The following TXNDC5 variants were observed in gnomAD, a reference collection of about 807,000 sequenced individuals.
TXNDC5 encodes the protein thioredoxin domain containing 5.
TXNDC5 carries 44 observed loss-of-function variants against 52.6 expected under a neutral mutation model. That is an observed-to-expected ratio of 0.84 (90% CI 0.66 to 1.08). TXNDC5 has a LOEUF of 1.08. Ranked by LOEUF, TXNDC5 falls within the 50% of genes least tolerant of loss-of-function variation. The pLI is 0.00. For synonymous variants in TXNDC5, 241 were observed against 234.4 expected, an observed-to-expected ratio of 1.03 and a Z score of -0.26; for missense variants, 600 against 565.5, an observed-to-expected ratio of 1.06 and a Z score of -0.62.
At chr6:7,889,444 T>TG (rs1240201605) in intron 6 of TXNDC5, 51 bp downstream of exon 6, 1 of 1,542,088 alleles carries the variant, frequency 6.5e-7, no homozygotes, top group South Asian at 1.1e-5. Flanking sequence ...TAGCTCAGCC[T>TG]GATGGGGTTA....
intron 7 of TXNDC5, 49 bp downstream of exon 7, chr6:7,888,649 GGGGGGCC>G (rs1227950979): frequency 1.3e-6 from 2 of 1,555,064 alleles, no homozygotes; most frequent in Non-Finnish European, 1.7e-6. Context: ...GTGGGGAGGT[GGGGGGCC>G]GGGGGCCACG....
rs34795283 is a variant in TXNDC5, at chr6:7,881,919, C to CCTAT, written c.*1221_*1224dup. 14 of 152,344 alleles carry CCTAT rather than the reference C, an allele frequency of 9.2e-5. No individual in the cohort carries two copies. The highest frequency in any genetic ancestry group is 4.2e-4 in the South Asian group (2 of 4,800). The allele number at this position is 152,344 out of a possible 1,614,324, so 9.4% of individuals were successfully genotyped here. ...TAGCTCGATGGTAAAAGGACAAACACCTATCTATCTTAGAGCTTAAGCCTG... is the reference window on the plus strand; with the variant it reads ...TAGCTCGATGGTAAAAGGACAAACACCTATCTATCTATCTTAGAGCTTAAGCCTG... On this transcript the variant is annotated 3_prime_UTR_variant, in exon 10 of 10. Transcript: ENST00000379757.
intron 1 of TXNDC5, chr6:7,909,871 C>T: frequency 1.0e-6 from 1 of 986,036 alleles, no homozygotes; most frequent in Non-Finnish European, 1.2e-6. Context: ...CGCAGTCTGT[C>T]CCAGCCGACC....
rs1026012863 is a variant in TXNDC5, at chr6:7,889,490, C to A, written c.819+5G>T. 6.2e-7 allele frequency: 1 copy of A among 1,613,036 alleles called. No individual in the cohort carries two copies. Among genetic ancestry groups the A allele is most frequent in the Non-Finnish European group, 8.5e-7 (1 of 1,179,078 alleles). On this transcript the variant is annotated splice_donor_5th_base_variant and intron_variant, in intron 6 of 9. Transcript: ENST00000379757. ...AATTCTCAGTACTAAGAAGTGCAGA[C>A]GTACCTTTTTCCCATCTCGGAACCA...
At chr6:7,908,378 T>C (rs1009641777) in intron 1 of TXNDC5, among the ~76,000 whole-genome samples, 1 of 151,382 alleles carries the variant, frequency 6.6e-6, no homozygotes, top group Admixed American at 6.6e-5. Flanking sequence ...GGAAAAGGAA[T>C]TTACTTAATA....
At chr6:7,904,471 G>T in intron 2 of TXNDC5, 103 bp downstream of exon 2, 1 of 1,462,728 alleles carries the variant, frequency 6.8e-7, no homozygotes, top group Non-Finnish European at 9.3e-7. Flanking sequence ...GGGACTGCCT[G>T]CTTAAATTTA....
intron 5 of TXNDC5, among the ~76,000 whole-genome samples, chr6:7,891,105 A>G (rs1373449885): frequency 6.6e-6 from 1 of 152,208 alleles, no homozygotes; most frequent in South Asian, 2.1e-4. Context: ...GCTACACTGG[A>G]TATTTCCAGA....
chr6:7,896,945 C>CT (rs1020300536), intron 3 of TXNDC5, among the ~76,000 whole-genome samples: 13 of 151,574 alleles, frequency 8.6e-5, no homozygotes, highest in South Asian at 2.1e-4. Context: ...TAAAAATGAT[C>CT]TTTTTTTTTA....
chr6:7,894,309 AGG>A (rs1159542649), intron 4 of TXNDC5, among the ~76,000 whole-genome samples: 7 of 150,760 alleles, frequency 4.6e-5, no homozygotes, highest in African/African-American at 1.7e-4. Context: ...GGTCTTGCTT[AGG>A]CTGATCTCGA....
At chr6:7,893,408 G>C (rs1308292677) in intron 4 of TXNDC5, among the ~76,000 whole-genome samples, 2 of 152,286 alleles carry the variant, frequency 1.3e-5, no homozygotes, top group African/African-American at 4.8e-5. Context: ...TGCACTGTAA[G>C]GTGGAGACAG....
intron 4 of TXNDC5, 119 bp downstream of exon 4, chr6:7,894,987 C>T (rs1354062585): frequency 6.8e-7 from 1 of 1,463,766 alleles, no homozygotes; most frequent in African/African-American, 1.4e-5. Flanking sequence ...CTAGAGTGAC[C>T]CTTTGTCAGT....
chr6:7,909,611 A>G (rs1760845501), intron 1 of TXNDC5, among the ~76,000 whole-genome samples: 1 of 152,138 alleles, frequency 6.6e-6, no homozygotes, highest in South Asian at 2.1e-4. Flanking sequence ...GACCCGAGAG[A>G]GCAGCAGGGA....
rs1760896117 is a variant in TXNDC5, at chr6:7,910,771, G to A, written c.6C>T (p.Pro2=). The stretch of plus-strand genomic sequence containing the variant: ...GCGGGAGGAGGCGTCCTGGGCGCGC[G>A]GGCATCGCGGCGGGGCTGGGCGCGC... The part of the protein sequence containing the change: M[P]ARPGRLLPLL... The change falls in exon 1 of 10, where the codon CCC becomes CCT. Residue 2 remains proline, a synonymous_variant. Transcript: ENST00000379757. The A allele has an allele frequency of 3.0e-6, 3 of 992,308 alleles. No homozygotes were observed. The highest frequency in any genetic ancestry group is 1.8e-5 in the African/African-American group (1 of 56,772). 61.5% of individuals were successfully genotyped at this position (992,308 alleles called of 1,614,324 possible).
chr6:7,882,903 C>T lies in TXNDC5; in HGVS notation c.*241G>A, dbSNP rs981019478. The T allele has an allele frequency of 6.7e-6, 3 of 445,656 alleles. No individual in the cohort carries two copies. The highest frequency in any genetic ancestry group is 4.0e-5 in the South Asian group (1 of 24,778). 27.6% of individuals were successfully genotyped at this position (445,656 alleles called of 1,614,324 possible). A position where few individuals can be genotyped will look rare whatever the true frequency, so the allele number is the denominator to read the frequency against. On this transcript the variant is annotated 3_prime_UTR_variant, in exon 10 of 10. Transcript: ENST00000379757. ...CAAGAGAAGGTCAAAGGGGATATAT[C>T]GCCACTGAAAATGTTTACACAGTGA...
rs1187112116 is a variant in TXNDC5 at position 7,882,455 on chromosome 6, C to T, written c.*689G>A. The T allele has an allele frequency of 1.3e-5, 2 of 152,236 alleles. No individual in the cohort carries two copies. Among genetic ancestry groups the T allele is most frequent in the Admixed American group, 6.5e-5 (1 of 15,276 alleles). 9.4% of individuals were successfully genotyped at this position (152,236 alleles called of 1,614,324 possible). Reference sequence around the variant, plus strand: ...ACCCCGTGAGAAACAGAAGGATCCCCTGAACAGTAACTGATTTGACAAGTA... The same window carrying T: ...ACCCCGTGAGAAACAGAAGGATCCCTTGAACAGTAACTGATTTGACAAGTA... On this transcript the variant is annotated 3_prime_UTR_variant, in exon 10 of 10. Transcript: ENST00000379757.
At chr6:7,906,532 T>C (rs1308369138) in intron 1 of TXNDC5, among the ~76,000 whole-genome samples, 1 of 68,596 alleles carries the variant, frequency 1.5e-5, no homozygotes, top group African/African-American at 7.6e-5. Flanking sequence ...CAAGACTCCA[T>C]CTCAAAAAAA....
At chr6:7,908,757 A>G (rs1760815843) in intron 1 of TXNDC5, among the ~76,000 whole-genome samples, 1 of 152,192 alleles carries the variant, frequency 6.6e-6, no homozygotes, top group Non-Finnish European at 1.5e-5. Flanking sequence ...GAATCACTTG[A>G]GCCCAGGAGT....
rs902149073 is a variant in TXNDC5 at position 7,910,161 on chromosome 6, G to A, written c.263+353C>T. The A allele has an allele frequency of 1.0e-4, 102 of 987,294 alleles. No individual in the cohort carries two copies. The African/African-American group carries it at 1.6e-3, about 16-fold the overall frequency. 61.2% of individuals were successfully genotyped at this position (987,294 alleles called of 1,614,324 possible). ...TCCCGCACCGCCCCGGCCGCCGAGC[G>A]CCACGTCAGCCGCCAGTGCCCGGCC... On this transcript the variant is annotated intron_variant, in intron 1 of 9. Coordinates refer to ENST00000379757, the MANE Select transcript of TXNDC5 (RefSeq NM_030810.5).
intron 2 of TXNDC5, among the ~76,000 whole-genome samples, chr6:7,903,254 A>T (rs1179175085): frequency 6.6e-6 from 1 of 150,448 alleles, no homozygotes; most frequent in African/African-American, 2.5e-5. Flanking sequence ...TATAAAGCAT[A>T]GAATAGTTAA....
Sources: gnomAD v4.1 joint callset for allele counts (sites outside exome capture counted in the v4.1 genomes callset) on GRCh38, gnomAD v4.1.1 for gene constraint, MANE v1.5 for transcripts, NCBI Gene and HGNC (gene_info 2026-07-23, HGNC 2026-07-21) for gene names.